The following CTNNA3 variants were observed in gnomAD, a reference collection of about 807,000 sequenced individuals.
CTNNA3 encodes catenin alpha 3.
In CTNNA3, 76 loss-of-function variants were observed where a neutral mutation model predicts 95.7. The ratio of observed to expected loss-of-function variants is 0.79; its 90% CI spans 0.66 to 0.96. CTNNA3 has a LOEUF of 0.96. Among genes scored for constraint, CTNNA3 ranks in the 40% least tolerant of loss-of-function variants. The probability of loss-of-function intolerance (pLI) is 0.00; values close to 1 mark genes in which losing one functional copy is unlikely to be tolerated. For missense variants in CTNNA3, 1,191 were observed against 1,089.8 expected (o/e 1.09, Z -1.31); for synonymous variants, 431 against 374.4 (o/e 1.15, Z -1.74).
chr10:66,787,946 T>G (rs1254075913), intron 7 of CTNNA3, among the ~76,000 whole-genome samples: 1 of 152,170 alleles, frequency 6.6e-6, no homozygotes, highest in African/African-American at 2.4e-5. Context: ...GCAAAAAGAA[T>G]CTATAAAATA....
intron 7 of CTNNA3, among the ~76,000 whole-genome samples, chr10:67,144,696 T>C (rs1465715357): frequency 6.6e-6 from 1 of 152,230 alleles, no homozygotes; most frequent in African/African-American, 2.4e-5. Flanking sequence ...GAGGGTTAGG[T>C]TCTTTCTCTG....
In CTNNA3 at chr10:66,658,323, C is replaced by T. The variant is rs1321334521; in HGVS notation, c.1282-36539G>A. Among the ~76,000 whole-genome samples the T allele has an allele frequency of 6.0e-4, 91 of 151,680 alleles. 2 individuals are homozygous for T. Among genetic ancestry groups the T allele is most frequent in the Admixed American group, 6.0e-3 (91 of 15,214 alleles). Reference sequence around the variant, plus strand: ...ATTGGATACTCTCTAAAATCCTTTCCAGCTCTAAAATCTTGTTTTTATGAG... The same window carrying T: ...ATTGGATACTCTCTAAAATCCTTTCTAGCTCTAAAATCTTGTTTTTATGAG... On this transcript the variant is annotated intron_variant, in intron 9 of 17. Transcript: ENST00000433211.
At chr10:66,350,186 C>T (rs2092556059) in intron 12 of CTNNA3, among the ~76,000 whole-genome samples, 2 of 152,180 alleles carry the variant, frequency 1.3e-5, no homozygotes, top group Admixed American at 1.3e-4. Context: ...TTAAATACTT[C>T]AAAGTGTCTT....
At chr10:67,544,635 C>G (rs1275287096) in intron 3 of CTNNA3, among the ~76,000 whole-genome samples, 1 of 152,148 alleles carries the variant, frequency 6.6e-6, no homozygotes, top group Non-Finnish European at 1.5e-5. Context: ...GGAAACCACC[C>G]AAGGCTAGGG....
chr10:67,183,189 G>A (rs934621006), intron 6 of CTNNA3, among the ~76,000 whole-genome samples: 3 of 152,164 alleles, frequency 2.0e-5, no homozygotes, highest in Non-Finnish European at 4.4e-5. Flanking sequence ...CCATTACTGG[G>A]TATATACCCA....
chr10:67,647,177 T>TATATATATATATATATATATATATATA (rs1564807136), intron 2 of CTNNA3, among the ~76,000 whole-genome samples: 1 of 142,440 alleles, frequency 7.0e-6, no homozygotes, highest in African/African-American at 2.5e-5. Context: ...TATATATATA[T>TATATATATATATATATATATATATATA]TATTACTGCT....
intron 13 of CTNNA3, among the ~76,000 whole-genome samples, chr10:66,175,334 C>A (rs904219272): frequency 7.9e-5 from 12 of 152,112 alleles, no homozygotes; most frequent in Admixed American, 2.6e-4. Flanking sequence ...AAGAAAGATA[C>A]AGACTATGAA....
intron 15 of CTNNA3, among the ~76,000 whole-genome samples, chr10:65,995,763 G>C (rs2078643680): frequency 6.6e-6 from 1 of 152,212 alleles, no homozygotes; most frequent in Non-Finnish European, 1.5e-5. Flanking sequence ...ACATGTTTCT[G>C]TTAGTGGTGG....
At chr10:66,097,738 G>A (rs952679364) in intron 14 of CTNNA3, among the ~76,000 whole-genome samples, 1 of 152,080 alleles carries the variant, frequency 6.6e-6, no homozygotes, top group African/African-American at 2.4e-5. Flanking sequence ...TAAGTTTGAG[G>A]AACGTTCAGC....
At chr10:67,575,644 A>G (rs1589443399) in intron 3 of CTNNA3, among the ~76,000 whole-genome samples, 1 of 151,840 alleles carries the variant, frequency 6.6e-6, no homozygotes, top group Admixed American at 6.6e-5. Flanking sequence ...ATACTTGCCT[A>G]CTCCAAGCCA....
At chr10:66,243,495 A>G (rs2090187193) in intron 13 of CTNNA3, among the ~76,000 whole-genome samples, 1 of 152,044 alleles carries the variant, frequency 6.6e-6, no homozygotes, top group South Asian at 2.1e-4. Context: ...TTTTCTATTG[A>G]TTCTAGGTCT....
intron 12 of CTNNA3, among the ~76,000 whole-genome samples, chr10:66,378,495 T>G (rs1337751159): frequency 1.3e-5 from 2 of 152,302 alleles, no homozygotes; most frequent in East Asian, 3.9e-4. Flanking sequence ...TGTTTTTGAA[T>G]CCATATGAAT....
At chr10:66,941,190 C>G (rs1847976449) in intron 7 of CTNNA3, among the ~76,000 whole-genome samples, 1 of 152,158 alleles carries the variant, frequency 6.6e-6, no homozygotes, top group Non-Finnish European at 1.5e-5. Flanking sequence ...ACAGTTACAA[C>G]AGACTTTCTT....
rs553996992 is a variant in CTNNA3, at chr10:66,717,885, C to T, written c.1281+48379G>A. Reference sequence around the variant, plus strand: ...CTGGCTACTCAGCCATGGCTTCTACCTCTGCCCTTATGAACCCAGTGTGTG... The same window carrying T: ...CTGGCTACTCAGCCATGGCTTCTACTTCTGCCCTTATGAACCCAGTGTGTG... On this transcript the variant is annotated intron_variant, in intron 9 of 17. Transcript: ENST00000433211. 9.5e-4 allele frequency among the ~76,000 whole-genome samples: 145 copies of T among 152,328 alleles called. 1 individual carries two copies. In the Middle Eastern group the frequency reaches 0.014, roughly 14 times the overall value.
intron 7 of CTNNA3, among the ~76,000 whole-genome samples, chr10:66,952,113 T>C (rs965433367): frequency 6.6e-6 from 1 of 152,210 alleles, no homozygotes; most frequent in Non-Finnish European, 1.5e-5. Context: ...CCCCCCAATA[T>C]TTTTAAGCAT....
chr10:67,501,303 T>C (rs1376948501), intron 5 of CTNNA3, among the ~76,000 whole-genome samples: 5 of 152,240 alleles, frequency 3.3e-5, no homozygotes, highest in African/African-American at 4.8e-5. Context: ...CACTCTCTTC[T>C]GGCTTGTAGG....
At chr10:67,490,451 A>G (rs183850619) in intron 5 of CTNNA3, among the ~76,000 whole-genome samples, 83 of 152,330 alleles carry the variant, frequency 5.4e-4, no homozygotes, top group African/African-American at 2.0e-3. Flanking sequence ...TGTCAGCATA[A>G]CTAGAAAAGA....
intron 5 of CTNNA3, among the ~76,000 whole-genome samples, chr10:67,415,776 A>C (rs1427619755): frequency 1.3e-5 from 2 of 152,236 alleles, no homozygotes; most frequent in Non-Finnish European, 2.9e-5. Context: ...TCAAAACAGC[A>C]TGGTATTGGT....
intron 5 of CTNNA3, among the ~76,000 whole-genome samples, chr10:67,460,275 G>T (rs567389494): frequency 1.3e-5 from 2 of 152,248 alleles, no homozygotes; most frequent in South Asian, 4.1e-4. Context: ...GAACCCAAAT[G>T]AATTGATGTT....
Sources: gnomAD v4.1 joint callset for allele counts (sites outside exome capture counted in the v4.1 genomes callset) on GRCh38, gnomAD v4.1.1 for gene constraint, MANE v1.5 for transcripts, NCBI Gene and HGNC (gene_info 2026-07-23, HGNC 2026-07-21) for gene names.